KIAA1328: variants seen among roughly 807,000 people sequenced by gnomAD.
The protein encoded by KIAA1328 is protein hinderin.
In KIAA1328, 52 loss-of-function variants were observed where a neutral mutation model predicts 68.1. The observed-to-expected ratio is 0.76, with a 90% confidence interval of 0.61 to 0.96. KIAA1328 has a LOEUF of 0.96. Ranked by LOEUF, KIAA1328 falls within the 40% of genes least tolerant of loss-of-function variation. The pLI is 0.00. For missense variants in KIAA1328, 641 were observed against 677.6 expected (o/e 0.95, Z 0.60); for synonymous variants, 232 against 239.4 (o/e 0.97, Z 0.28).
At chr18:37,145,567 TATG>T (rs1158446378) in intron 7 of KIAA1328, among the ~76,000 whole-genome samples, 3 of 152,188 alleles carry the variant, frequency 2.0e-5, no homozygotes, top group Non-Finnish European at 4.4e-5. Flanking sequence ...AATATCCAAA[TATG>T]ATTTTAATTT....
At chr18:36,860,262 G>A (rs750282133) in intron 4 of KIAA1328, among the ~76,000 whole-genome samples, 5 of 152,064 alleles carry the variant, frequency 3.3e-5, no homozygotes, top group South Asian at 2.1e-4. Flanking sequence ...TGTTGAGGGC[G>A]TTGTTCTTTT....
At chr18:37,020,358 G>C (rs1225358018) in intron 6 of KIAA1328, among the ~76,000 whole-genome samples, 3 of 152,090 alleles carry the variant, frequency 2.0e-5, no homozygotes, top group African/African-American at 7.2e-5. Flanking sequence ...CTTGACCTCA[G>C]GTTATCCACC....
At chr18:36,934,024 C>T (rs193266528) in intron 5 of KIAA1328, among the ~76,000 whole-genome samples, 2 of 152,302 alleles carry the variant, frequency 1.3e-5, no homozygotes, top group East Asian at 3.9e-4. Flanking sequence ...CTCTTCCTAA[C>T]TCTCCAGGAT....
chr18:36,840,587 C>T (rs1018833181), intron 3 of KIAA1328, among the ~76,000 whole-genome samples: 1 of 151,914 alleles, frequency 6.6e-6, no homozygotes, highest in Non-Finnish European at 1.5e-5. Flanking sequence ...TCTCAACTAG[C>T]TGGGATTACA....
chr18:36,930,236 C>T (rs182238282), intron 5 of KIAA1328, among the ~76,000 whole-genome samples: 40 of 152,232 alleles, frequency 2.6e-4, no homozygotes, highest in Admixed American at 9.8e-4. Flanking sequence ...CCTTTTCTTC[C>T]TCAGGGTTTC....
chr18:37,147,075 A>G (rs2058919972), intron 7 of KIAA1328, among the ~76,000 whole-genome samples: 1 of 152,162 alleles, frequency 6.6e-6, no homozygotes. Context: ...TCTGCACAGT[A>G]CAGCTCCCCT....
intron 9 of KIAA1328, among the ~76,000 whole-genome samples, chr18:37,195,567 G>A (rs1406035401): frequency 1.3e-5 from 2 of 152,116 alleles, no homozygotes; most frequent in African/African-American, 4.8e-5. Flanking sequence ...CCTTTCCCCA[G>A]TATGTATTCT....
chr18:36,966,316 C>T (rs1464343894), intron 6 of KIAA1328, among the ~76,000 whole-genome samples: 1 of 152,134 alleles, frequency 6.6e-6, no homozygotes, highest in Non-Finnish European at 1.5e-5. Context: ...CAAATCCACA[C>T]AAAGAAATAA....
intron 7 of KIAA1328, among the ~76,000 whole-genome samples, chr18:37,098,693 C>T (rs1041739352): frequency 1.3e-5 from 2 of 152,158 alleles, no homozygotes; most frequent in Admixed American, 1.3e-4. Context: ...GGCTGTGAAT[C>T]CGTCTGGTCC....
At chr18:36,933,043 C>T (rs558049127) in intron 5 of KIAA1328, among the ~76,000 whole-genome samples, 1 of 151,976 alleles carries the variant, frequency 6.6e-6, no homozygotes, top group Non-Finnish European at 1.5e-5. Flanking sequence ...TTGCCAAATA[C>T]CTTGTCAATT....
At chr18:36,835,926 A>G (rs1568056309) in intron 3 of KIAA1328, among the ~76,000 whole-genome samples, 1 of 152,146 alleles carries the variant, frequency 6.6e-6, no homozygotes, top group Non-Finnish European at 1.5e-5. Context: ...TTGTATATGA[A>G]TGTTCTGGAA....
intron 6 of KIAA1328, among the ~76,000 whole-genome samples, chr18:37,044,728 GGCAGAGGTTGCAGTGA>G (rs1373137176): frequency 1.3e-5 from 2 of 151,584 alleles, no homozygotes; most frequent in Admixed American, 1.3e-4. Flanking sequence ...TAAACCCAGA[GGCAGAGGTTGCAGTGA>G]GCCGAGATCG....
In KIAA1328 at chr18:36,844,255, T is replaced by C. The variant is rs903289326; in HGVS notation, c.285T>C (p.Cys95=). 3 of 1,607,444 alleles carry C rather than the reference T, an allele frequency of 1.9e-6. No individual in the cohort carries two copies. The highest frequency in any genetic ancestry group is 2.5e-6 in the Non-Finnish European group (3 of 1,176,988). ...EIKSASLKDL[C]LEDKRRIANL... ...AGAGTGCATCATTGAAGGATTTATG[T>C]CTTGAAGACAAAAGACGCATTGCAA... Residue 95 remains cysteine (C), a synonymous_variant, in exon 4 of 10, where the codon TGT becomes TGC. Transcript: ENST00000280020.
chr18:36,975,497 T>C (rs1396430200), intron 6 of KIAA1328, among the ~76,000 whole-genome samples: 3 of 152,214 alleles, frequency 2.0e-5, no homozygotes, highest in African/African-American at 7.2e-5. Context: ...GCTACAATTC[T>C]AAACACCCTT....
At chr18:37,205,394 C>G (rs578008200) in intron 9 of KIAA1328, among the ~76,000 whole-genome samples, 1 of 152,126 alleles carries the variant, frequency 6.6e-6, no homozygotes, top group East Asian at 1.9e-4. Context: ...AATAAGCAAG[C>G]CTTATAAAGG....
chr18:37,198,559 CT>C (rs2060046408), intron 9 of KIAA1328, among the ~76,000 whole-genome samples: 1 of 152,106 alleles, frequency 6.6e-6, no homozygotes, highest in Admixed American at 6.5e-5. Flanking sequence ...AAGGAGAGTA[CT>C]TCTTAAGTGC....
In KIAA1328 at chr18:36,834,371, T is replaced by C; in HGVS notation, c.94+16T>C. On this transcript the variant is annotated intron_variant, in intron 2 of 9. Coordinates refer to ENST00000280020, the MANE Select transcript of KIAA1328 (RefSeq NM_020776.3). Reference sequence around the variant, plus strand: ...TACGTTCCAGGTATGATTTTCTATGTTAAAATTTGGGAAGCTTACTTTGGT... The same window carrying C: ...TACGTTCCAGGTATGATTTTCTATGCTAAAATTTGGGAAGCTTACTTTGGT... The C allele has an allele frequency of 6.3e-7, 1 of 1,576,064 alleles. No individual in the cohort carries two copies. The highest frequency in any genetic ancestry group is 8.6e-7 in the Non-Finnish European group (1 of 1,162,964).
intron 6 of KIAA1328, among the ~76,000 whole-genome samples, chr18:37,005,901 A>T (rs1242990549): frequency 1.3e-5 from 2 of 152,078 alleles, no homozygotes; most frequent in African/African-American, 4.8e-5. Flanking sequence ...GAGCCAAAAA[A>T]TATGATCACA....
intron 6 of KIAA1328, among the ~76,000 whole-genome samples, chr18:36,960,503 T>A (rs1598828611): frequency 6.6e-6 from 1 of 152,188 alleles, no homozygotes; most frequent in African/African-American, 2.4e-5. Flanking sequence ...GACTGCCTCC[T>A]CAAGTGGATC....
Sources: gnomAD v4.1 joint callset for allele counts (sites outside exome capture counted in the v4.1 genomes callset) on GRCh38, gnomAD v4.1.1 for gene constraint, MANE v1.5 for transcripts, NCBI Gene and HGNC (gene_info 2026-07-23, HGNC 2026-07-21) for gene names.